CRISP1: variants seen among roughly 807,000 people sequenced by gnomAD.
The protein encoded by CRISP1 is cysteine-rich secretory protein 1.
Under a neutral mutation model 33.1 loss-of-function variants are expected in CRISP1, and 44 were observed. The ratio of observed to expected loss-of-function variants is 1.33; its 90% CI spans 1.05 to 1.71. The LOEUF is 1.71. Ranked by LOEUF, CRISP1 falls within the 40% of genes most tolerant of loss-of-function variation. The probability of loss-of-function intolerance (pLI) is 0.00; values close to 1 mark genes in which losing one functional copy is unlikely to be tolerated. For missense variants in CRISP1, 390 were observed against 301.2 expected, an observed-to-expected ratio of 1.29 and a Z score of -2.18; for synonymous variants, 103 against 98.7, an observed-to-expected ratio of 1.04 and a Z score of -0.26.
chr6:49,845,900 T>C (rs949155213), intron 5 of CRISP1, among the ~76,000 whole-genome samples: 3 of 152,144 alleles, frequency 2.0e-5, no homozygotes, highest in African/African-American at 7.2e-5. Context: ...AAATATTGTA[T>C]GTTTCCAAAT....
chr6:49,844,136 A>C (rs1771081834), intron 5 of CRISP1, among the ~76,000 whole-genome samples: 1 of 152,208 alleles, frequency 6.6e-6, no homozygotes, highest in Admixed American at 6.5e-5. Context: ...ATTGCAGAAA[A>C]TGAGAAAGTA....
At chr6:49,858,572 C>T (rs1012286134) in intron 1 of CRISP1, among the ~76,000 whole-genome samples, 2 of 152,302 alleles carry the variant, frequency 1.3e-5, no homozygotes, top group East Asian at 3.9e-4. Flanking sequence ...TCAATTCTTT[C>T]AGAGAACATA....
intron 5 of CRISP1, among the ~76,000 whole-genome samples, chr6:49,843,990 G>A (rs1771076918): frequency 6.6e-6 from 1 of 152,176 alleles, no homozygotes; most frequent in Non-Finnish European, 1.5e-5. Context: ...AGATTTCAGA[G>A]CAAAGGATTG....
At position 49,835,296 on chromosome 6, in the gene CRISP1, C is replaced by G. The variant is rs201153726; in HGVS notation, c.*20G>C. 198 of 1,612,526 alleles carry G rather than the reference C, an allele frequency of 1.2e-4. 1 individual carries two copies. In the East Asian group the frequency reaches 4.3e-3, roughly 35 times the overall value. On this transcript the variant is annotated 3_prime_UTR_variant, in exon 8 of 8. Coordinates refer to ENST00000335847, the MANE Select transcript of CRISP1 (RefSeq NM_001131.3). ...TCCTCCTCATCGTCACAGCATAGAA[C>G]AGTTGAAAATAACAAAGACCTATTT...
Position 49,855,787 on chromosome 6 carries a change from G to T in CRISP1, c.66+1548C>A, listed in dbSNP as rs1771478200. Among the ~76,000 whole-genome samples the T allele has an allele frequency of 3.3e-5, 5 of 152,114 alleles. No individual in the cohort carries two copies. In the South Asian group the frequency reaches 1.0e-3, roughly 31 times the overall value. On this transcript the variant is annotated intron_variant, in intron 2 of 7. Transcript: ENST00000335847. Reference sequence around the variant, plus strand: ...TGCCACTGGTGGAAGTTTAAAATATGATTCAGGTCTGGTGGTTAGTCTATT... The same window carrying T: ...TGCCACTGGTGGAAGTTTAAAATATTATTCAGGTCTGGTGGTTAGTCTATT...
chr6:49,838,116 G>A (rs542338928), intron 7 of CRISP1, among the ~76,000 whole-genome samples: 3 of 151,956 alleles, frequency 2.0e-5, no homozygotes, highest in Non-Finnish European at 4.4e-5. Flanking sequence ...GCAGTAAGGG[G>A]GTCCAAGAAC....
intron 3 of CRISP1, 67 bp downstream of exon 3, chr6:49,851,934 T>C: frequency 1.3e-6 from 2 of 1,524,892 alleles, no homozygotes; most frequent in Non-Finnish European, 1.8e-6. Context: ...TGCATAGAAC[T>C]TAATAAAACT....
chr6:49,864,932 T>C (rs1027296754), intron 1 of CRISP1, among the ~76,000 whole-genome samples: 1 of 152,030 alleles, frequency 6.6e-6, no homozygotes, highest in Admixed American at 6.6e-5. Context: ...TATTTTCTTA[T>C]GTTAGTGCTT....
intron 1 of CRISP1, among the ~76,000 whole-genome samples, chr6:49,875,728 A>G (rs1023034982): frequency 1.3e-5 from 2 of 151,988 alleles, no homozygotes; most frequent in African/African-American, 4.8e-5. Context: ...AGAATAGAGA[A>G]CTCAGAAATA....
intron 1 of CRISP1, among the ~76,000 whole-genome samples, chr6:49,863,865 A>G (rs1771722082): frequency 6.6e-6 from 1 of 152,194 alleles, no homozygotes; most frequent in East Asian, 1.9e-4. Context: ...CTTCTTTTTA[A>G]TCTTCCTCAC....
At chr6:49,864,565 T>A (rs1210386695) in intron 1 of CRISP1, among the ~76,000 whole-genome samples, 1 of 152,118 alleles carries the variant, frequency 6.6e-6, no homozygotes, top group Non-Finnish European at 1.5e-5. Context: ...CCCTCACCTA[T>A]TATTTGTATT....
intron 1 of CRISP1, among the ~76,000 whole-genome samples, chr6:49,865,876 G>A (rs1002318189): frequency 2.0e-5 from 3 of 152,212 alleles, no homozygotes; most frequent in Middle Eastern, 3.4e-3. Context: ...TGCCCGCTGG[G>A]GCCCATCACT....
chr6:49,868,222 T>C (rs1771843124), upstream of CRISP1, among the ~76,000 whole-genome samples: 2 of 152,178 alleles, frequency 1.3e-5, no homozygotes, highest in African/African-American at 4.8e-5. Flanking sequence ...TGCATGTGAG[T>C]CCCAAACATG....
chr6:49,835,431 A>G lies in CRISP1; in HGVS notation c.635T>C (p.Ile212Thr). The G allele has an allele frequency of 6.2e-7, 1 of 1,613,498 alleles. No homozygotes were observed. Among genetic ancestry groups the G allele is most frequent in the Non-Finnish European group, 8.5e-7 (1 of 1,179,664 alleles). Residue 212 changes from isoleucine (I) to threonine (T), a missense_variant, in exon 8 of 8, where the codon ATC (isoleucine) becomes ACC (threonine). Ile to Thr is a moderately conservative substitution (Grantham distance 89). Coordinates refer to ENST00000335847, the MANE Select transcript of CRISP1 (RefSeq NM_001131.3). ...ACAGTCGAAGTATTCATCATAGTAG[A>G]TGCAGGGGTTAGCTGAAAGAAAATA... ...CEDKLCTNPC[I>T]YYDEYFDCDI... is the part of the protein sequence containing the mutation.
chr6:49,834,857 CTGTT>C lies in CRISP1; in HGVS notation c.*455_*458del, dbSNP rs926651935. 7.9e-5 allele frequency: 12 copies of C among 152,270 alleles called. No individual in the cohort carries two copies. The highest frequency in any genetic ancestry group is 2.6e-4 in the Admixed American group (4 of 15,196). The allele number at this position is 152,270 out of a possible 1,614,324, so 9.4% of individuals were successfully genotyped here. ...TTACCTTGCAAGATGAGACTGAACT[CTGTT>C]TGCTTTGTGGATTCCTTTAATGATT... On this transcript the variant is annotated 3_prime_UTR_variant, in exon 8 of 8. Coordinates refer to ENST00000335847, the MANE Select transcript of CRISP1 (RefSeq NM_001131.3).
chr6:49,870,823 G>A (rs186323846), upstream of CRISP1, among the ~76,000 whole-genome samples: 482 of 152,222 alleles, frequency 3.2e-3, 5 homozygotes, highest in African/African-American at 0.011. Flanking sequence ...TAGGCCAGGC[G>A]TGGTGGCTCA....
intron 3 of CRISP1, among the ~76,000 whole-genome samples, chr6:49,850,519 C>T (rs1771315710): frequency 6.6e-6 from 1 of 151,868 alleles, no homozygotes; most frequent in Admixed American, 6.6e-5. Flanking sequence ...AAAATCTCTG[C>T]CTGGTAATTG....
chr6:49,836,530 G>T (rs538709252), intron 7 of CRISP1, among the ~76,000 whole-genome samples: 19 of 151,826 alleles, frequency 1.3e-4, no homozygotes, highest in African/African-American at 4.3e-4. Flanking sequence ...AGTAGAGACG[G>T]GGTTTCACCA....
chr6:49,854,370 C>A (rs544315585), intron 2 of CRISP1, among the ~76,000 whole-genome samples: 1 of 152,072 alleles, frequency 6.6e-6, no homozygotes. Flanking sequence ...GATTATGCAG[C>A]TTATATCTCT....
Sources: gnomAD v4.1 joint callset for allele counts (sites outside exome capture counted in the v4.1 genomes callset) on GRCh38, gnomAD v4.1.1 for gene constraint, MANE v1.5 for transcripts, NCBI Gene and HGNC (gene_info 2026-07-23, HGNC 2026-07-21) for gene names.